ITGAE: variants seen among roughly 807,000 people sequenced by gnomAD.
ITGAE encodes integrin alpha-E.
In ITGAE, 99 loss-of-function variants were observed where a neutral mutation model predicts 136.5. The observed-to-expected ratio is 0.73, with a 90% confidence interval of 0.62 to 0.86. The LOEUF is 0.86. Ranked by LOEUF, ITGAE falls within the 40% of genes least tolerant of loss-of-function variation. The probability of loss-of-function intolerance (pLI) is 0.00; values close to 1 mark genes in which losing one functional copy is unlikely to be tolerated. For synonymous variants in ITGAE, 613 were observed against 591.8 expected (o/e 1.04, Z -0.52); for missense variants, 1,447 against 1,515.3 (o/e 0.95, Z 0.75).
chr17:3,725,999 C>T (rs745638607), intron 26 of ITGAE: 66 of 1,613,874 alleles, frequency 4.1e-5, no homozygotes, highest in Admixed American at 6.7e-5. Flanking sequence ...TCATTGACTA[C>T]ACCCTGTCGC....
chr17:3,763,827 G>T (rs1213687601), intron 3 of ITGAE, 42 bp downstream of exon 3: 1 of 1,488,508 alleles, frequency 6.7e-7, no homozygotes, highest in Admixed American at 1.7e-5. Context: ...TTGCTAGAAA[G>T]GGGGTCCTGG....
chr17:3,725,685 A>C lies in ITGAE; in HGVS notation c.3085-1941T>G, dbSNP rs1255962732. ...AGCCTGGGATCACTATAATTCAACCAAAGGCTCTGCAAATGACCGGCCTGA... is the reference window on the plus strand; with the variant it reads ...AGCCTGGGATCACTATAATTCAACCCAAGGCTCTGCAAATGACCGGCCTGA... On this transcript the variant is annotated intron_variant, in intron 26 of 30. Coordinates refer to ENST00000263087, the MANE Select transcript of ITGAE (RefSeq NM_002208.5). The C allele has an allele frequency of 2.5e-6, 4 of 1,583,468 alleles. No individual in the cohort carries two copies. The East Asian group carries it at 9.0e-5, about 36-fold the overall frequency.
intron 10 of ITGAE, 126 bp downstream of exon 10, chr17:3,756,858 A>C (rs572085493): frequency 4.8e-6 from 5 of 1,042,622 alleles, no homozygotes; most frequent in South Asian, 1.6e-5. Flanking sequence ...CTTTTTAGAC[A>C]TGGAAGAGCT....
chr17:3,731,504 G>C (rs991652954), intron 22 of ITGAE, among the ~76,000 whole-genome samples: 1 of 151,684 alleles, frequency 6.6e-6, no homozygotes, highest in African/African-American at 2.4e-5. Context: ...ACCACGCCCA[G>C]CTAATTTTTG....
intron 1 of ITGAE, among the ~76,000 whole-genome samples, chr17:3,800,480 C>T (rs368914316): frequency 1.1e-4 from 16 of 152,270 alleles, no homozygotes; most frequent in South Asian, 6.2e-4. Flanking sequence ...AGGGGGCCCC[C>T]GAAAGGACTC....
chr17:3,773,931 A>T (rs987038022), intron 2 of ITGAE, among the ~76,000 whole-genome samples: 3 of 152,276 alleles, frequency 2.0e-5, no homozygotes, highest in Non-Finnish European at 4.4e-5. Context: ...TAATGGGACC[A>T]AATGTTTATT....
chr17:3,760,341 G>C (rs2052135467), intron 6 of ITGAE, 54 bp from the exon 7 acceptor site: 2 of 1,065,168 alleles, frequency 1.9e-6, no homozygotes, highest in Admixed American at 1.9e-5. Context: ...CAGATGTAAG[G>C]GTAGCATGTG....
intron 24 of ITGAE, 200 bp from the exon 25 acceptor site, chr17:3,728,368 C>CTTTT (rs569101162): frequency 0.028 from 5,260 of 189,582 alleles, 29 homozygotes; most frequent in South Asian, 0.056. Flanking sequence ...ACACTCATCC[C>CTTTT]TTTTTTTTTT....
rs2737138 is a variant in ITGAE at position 3,741,272 on chromosome 17, A to G, written c.2449-1394T>C. ...TTTTTTTTTTTTTTGTATTTTTAGT[A>G]GAGACGGGGTTTCACTGTGTTAGCC... is the stretch of plus-strand genomic sequence containing the variant. On this transcript the variant is annotated intron_variant, in intron 19 of 30. Coordinates refer to ENST00000263087, the MANE Select transcript of ITGAE (RefSeq NM_002208.5). Among the ~76,000 whole-genome samples, 495 of 147,250 alleles carry G rather than the reference A, an allele frequency of 3.4e-3. 5 individuals carry two copies. The highest frequency in any genetic ancestry group is 0.012 in the African/African-American group (467 of 40,034).
At chr17:3,787,601 A>G (rs2052830382) in intron 1 of ITGAE, among the ~76,000 whole-genome samples, 1 of 151,746 alleles carries the variant, frequency 6.6e-6, no homozygotes, top group Non-Finnish European at 1.5e-5. Context: ...ATATGAACAC[A>G]TTCCTGTTGG....
intron 26 of ITGAE, chr17:3,725,145 A>G (rs764632816): frequency 6.2e-7 from 1 of 1,614,196 alleles, no homozygotes; most frequent in Non-Finnish European, 8.5e-7. Flanking sequence ...AGAGGTCTGC[A>G]GCATCTATAC....
At chr17:3,743,683 CT>C in intron 18 of ITGAE, 66 bp from the exon 19 acceptor site, 1 of 1,378,988 alleles carries the variant, frequency 7.3e-7, no homozygotes, top group Non-Finnish European at 9.8e-7. Context: ...AACAATAATG[CT>C]TTTTTTCTTT....
intron 1 of ITGAE, chr17:3,784,309 T>C (rs1273709235): frequency 2.8e-6 from 1 of 361,798 alleles, no homozygotes; most frequent in Non-Finnish European, 5.3e-6. Flanking sequence ...GACCAAAAAT[T>C]GAGCAAGGAT....
intron 1 of ITGAE, among the ~76,000 whole-genome samples, chr17:3,788,699 AAAT>A (rs149109254): frequency 0.23 from 28,675 of 123,336 alleles, 398 homozygotes; most frequent in African/African-American, 0.39. Context: ...TCTACATTAA[AAAT>A]AATAATTATT....
At chr17:3,794,708 C>T (rs1341244690) in intron 1 of ITGAE, among the ~76,000 whole-genome samples, 2 of 152,160 alleles carry the variant, frequency 1.3e-5, no homozygotes, top group Non-Finnish European at 2.9e-5. Context: ...CCGGGGCCCA[C>T]GTCACGTTGA....
In ITGAE at chr17:3,798,654, C is replaced by T. The variant is rs944683571; in HGVS notation, c.34+2457G>A. 1.3e-5 allele frequency among the ~76,000 whole-genome samples: 2 copies of T among 152,214 alleles called. No homozygotes were observed. The highest frequency in any genetic ancestry group is 3.8e-4 in the East Asian group (2 of 5,196). ...CTGGCCTCAGCCCGAGTGCGTGCCA[C>T]CAGCAGAGCGGGCCCTGGACTTCTG... On this transcript the variant is annotated intron_variant, in intron 1 of 30. Coordinates refer to ENST00000263087, the MANE Select transcript of ITGAE (RefSeq NM_002208.5). This position sits in a 1 kb window ranked among gnomAD's most constrained non-coding sequence, Gnocchi z 4.3.
chr17:3,743,613 C>T lies in ITGAE; in HGVS notation c.2324G>A (p.Cys775Tyr). ...LLLMPTEGEL[C>Y]EEDCFSNASV... is the part of the protein sequence containing the mutation. Reference sequence around the variant, plus strand: ...GGCATTGGAGAAGCAGTCCTCCTCACAGAGCTGTGGGGTCACCACGGAAGG... The same window carrying T: ...GGCATTGGAGAAGCAGTCCTCCTCATAGAGCTGTGGGGTCACCACGGAAGG... Residue 775 changes from cysteine (C) to tyrosine (Y), a missense_variant, in exon 19 of 31, where the codon TGT becomes TAT. Cys to Tyr is a radical substitution (Grantham distance 194). Around this residue, in one of 3 missense-constraint regions of ITGAE, gnomAD observed 1,031 missense variants for 1,011.4 expected, o/e 1.02. Coordinates refer to ENST00000263087, the MANE Select transcript of ITGAE (RefSeq NM_002208.5). 1.9e-6 allele frequency: 3 copies of T among 1,612,724 alleles called. No homozygotes were observed. The highest frequency in any genetic ancestry group is 8.5e-7 in the Non-Finnish European group (1 of 1,179,548).
chr17:3,756,926 G>A, intron 10 of ITGAE, 58 bp downstream of exon 10: 1 of 1,559,672 alleles, frequency 6.4e-7, no homozygotes, highest in South Asian at 1.2e-5. Flanking sequence ...TGGGACAGAG[G>A]CCGGGCTGGA....
chr17:3,796,066 C>T (rs1304740560), intron 1 of ITGAE, among the ~76,000 whole-genome samples: 4 of 101,758 alleles, frequency 3.9e-5, no homozygotes, highest in South Asian at 3.1e-4. Flanking sequence ...TGTGTGCATC[C>T]GTGTTTGTGC....
Sources: gnomAD v4.1 joint callset for allele counts (sites outside exome capture counted in the v4.1 genomes callset) on GRCh38, gnomAD v4.1.1 for gene constraint, gnomAD v4.1.1 regional missense constraint, Gnocchi (gnomAD v3.1) non-coding constraint, MANE v1.5 for transcripts, NCBI Gene and HGNC (gene_info 2026-07-23, HGNC 2026-07-21) for gene names.